The following TENM3 variants were observed in gnomAD, a reference collection of about 807,000 sequenced individuals.
The protein encoded by TENM3 is teneurin transmembrane protein 3, also known as teneurin-3.
In TENM3, 63 loss-of-function variants were observed where a neutral mutation model predicts 255.1. The ratio of observed to expected loss-of-function variants is 0.25; its 90% CI spans 0.20 to 0.30. TENM3 has a LOEUF of 0.30. Among genes scored for constraint, TENM3 ranks in the 10% least tolerant of loss-of-function variants. TENM3 has a pLI of 1.00. For synonymous variants in TENM3, 1,306 were observed against 1,322.3 expected, an observed-to-expected ratio of 0.99 and a Z score of 0.27; for missense variants, 2,929 against 3,461.1, an observed-to-expected ratio of 0.85 and a Z score of 3.86.
At chr4:182,431,309 C>G (rs1326019717) in intron 3 of TENM3, among the ~76,000 whole-genome samples, 1 of 151,864 alleles carries the variant, frequency 6.6e-6, no homozygotes, top group African/African-American at 2.4e-5. Context: ...TCCTGGCCAA[C>G]ATGGTGAAAC....
the TENM3 span, among the ~76,000 whole-genome samples, chr4:182,099,176 C>A: frequency 1.3e-5 from 2 of 151,970 alleles, no homozygotes; most frequent in Non-Finnish European, 1.5e-5. Flanking sequence ...GCTGCCCAGG[C>A]TGGTCTCAAA....
intron 3 of TENM3, among the ~76,000 whole-genome samples, chr4:182,557,957 G>T (rs1214864213): frequency 6.6e-6 from 1 of 152,232 alleles, no homozygotes; most frequent in South Asian, 2.1e-4. Context: ...TTTACTTCCC[G>T]CTTGATCTGA....
the TENM3 span, among the ~76,000 whole-genome samples, chr4:181,500,177 T>C: frequency 1.3e-5 from 2 of 151,956 alleles, no homozygotes; most frequent in Non-Finnish European, 2.9e-5. Context: ...TACAGGCATG[T>C]GTCACCATGC....
At chr4:182,227,617 C>A (rs1175675956) in intron 1 of TENM3, among the ~76,000 whole-genome samples, 3 of 147,434 alleles carry the variant, frequency 2.0e-5, no homozygotes, top group South Asian at 2.2e-4. Flanking sequence ...TAATTTTTTT[C>A]TTCGTGTAGA....
chr4:182,721,821 A>G (rs2152694096), intron 13 of TENM3, among the ~76,000 whole-genome samples: 1 of 152,222 alleles, frequency 6.6e-6, no homozygotes, highest in East Asian at 1.9e-4. Context: ...GCATTTTCCT[A>G]ATTACTAGTT....
At chr4:182,121,408 C>T in the TENM3 span, among the ~76,000 whole-genome samples, 1 of 152,020 alleles carries the variant, frequency 6.6e-6, no homozygotes, top group South Asian at 2.1e-4. Context: ...ATAACATAGG[C>T]AAAATAACGT....
At chr4:182,334,022 A>G (rs571980114) in intron 2 of TENM3, among the ~76,000 whole-genome samples, 14 of 152,280 alleles carry the variant, frequency 9.2e-5, no homozygotes, top group African/African-American at 3.4e-4. Flanking sequence ...ACTTTTTTGG[A>G]CAAGTTACAT....
chr4:182,483,109 A>G (rs1303881769), intron 3 of TENM3, among the ~76,000 whole-genome samples: 1 of 152,208 alleles, frequency 6.6e-6, no homozygotes, highest in East Asian at 1.9e-4. Flanking sequence ...TCAAGCTTTA[A>G]AGCAGAACTC....
chr4:181,552,083 A>G, the TENM3 span, among the ~76,000 whole-genome samples: 3 of 152,014 alleles, frequency 2.0e-5, no homozygotes, highest in African/African-American at 4.8e-5. Flanking sequence ...TTTAAATGTA[A>G]AGAACATTAA....
chr4:181,775,423 A>G, the TENM3 span, among the ~76,000 whole-genome samples: 2 of 152,154 alleles, frequency 1.3e-5, no homozygotes, highest in Non-Finnish European at 2.9e-5. Flanking sequence ...ATATATGCCC[A>G]TTGGAATTCA....
chr4:181,450,296 GA>G, the TENM3 span, among the ~76,000 whole-genome samples: 2 of 152,096 alleles, frequency 1.3e-5, no homozygotes, highest in African/African-American at 4.8e-5. Flanking sequence ...AACGTTTTTG[GA>G]GTAACATCTG....
the TENM3 span, among the ~76,000 whole-genome samples, chr4:182,086,497 G>C: frequency 6.6e-6 from 1 of 152,202 alleles, no homozygotes; most frequent in Non-Finnish European, 1.5e-5. Flanking sequence ...GAAAATGGGA[G>C]AGGAAGCTAC....
At chr4:182,724,348 C>A (rs1759995457) in intron 13 of TENM3, among the ~76,000 whole-genome samples, 1 of 152,196 alleles carries the variant, frequency 6.6e-6, no homozygotes, top group African/African-American at 2.4e-5. Context: ...TACTACATAA[C>A]CTTAGCTGCC....
the TENM3 span, among the ~76,000 whole-genome samples, chr4:181,739,471 T>A: frequency 1.9e-4 from 29 of 152,176 alleles, 2 homozygotes; most frequent in East Asian, 2.5e-3. Flanking sequence ...ATTAAAACTT[T>A]CTTTTTGGTC....
chr4:182,562,061 A>G (rs1053193897), intron 3 of TENM3, among the ~76,000 whole-genome samples: 11 of 152,028 alleles, frequency 7.2e-5, no homozygotes, highest in African/African-American at 1.9e-4. Context: ...AAAAATACCT[A>G]TGTTCTATTG....
In TENM3 at chr4:182,736,817, G is replaced by A. The variant is rs201024340; in HGVS notation, c.2977G>A (p.Glu993Lys). ...PIIPETQVLHEETTIPGTDLK... is the reference protein window; with the variant it reads ...PIIPETQVLHKETTIPGTDLK... Reference sequence around the variant, plus strand: ...CTTTATTCAAACTTAGGTACTCCACGAGGAAACTACAATTCCAGGAACAGA... The same window carrying A: ...CTTTATTCAAACTTAGGTACTCCACAAGGAAACTACAATTCCAGGAACAGA... Residue 993 changes from glutamate to lysine, a missense_variant, in exon 17 of 28, where the codon GAG becomes AAG. Coordinates refer to ENST00000511685, the MANE Select transcript of TENM3 (RefSeq NM_001080477.4). 38 of 1,612,552 alleles carry A rather than the reference G, an allele frequency of 2.4e-5. No individual in the cohort carries two copies. Among genetic ancestry groups the A allele is most frequent in the Non-Finnish European group, 3.0e-5 (35 of 1,179,486 alleles).
the TENM3 span, among the ~76,000 whole-genome samples, chr4:182,128,997 A>G: frequency 6.6e-6 from 1 of 152,228 alleles, no homozygotes; most frequent in Non-Finnish European, 1.5e-5. Context: ...AAAAATTTAA[A>G]GCAGGTCACG....
chr4:181,757,399 C>T, the TENM3 span, among the ~76,000 whole-genome samples: 2 of 152,106 alleles, frequency 1.3e-5, no homozygotes, highest in African/African-American at 4.8e-5. Context: ...TGCATGCTGT[C>T]ATATTTCTCA....
chr4:182,792,643 A>G lies in TENM3; in HGVS notation c.5971A>G (p.Ile1991Val). Residue 1991 changes from isoleucine (I) to valine (V), a missense_variant, in exon 26 of 28, where the codon ATT becomes GTT. By Grantham distance (29) the Ile-to-Val change is conservative. Around this residue, in one of 6 missense-constraint regions of TENM3, gnomAD observed 303 missense variants for 425.2 expected, o/e 0.71. Coordinates refer to ENST00000511685, the MANE Select transcript of TENM3 (RefSeq NM_001080477.4). The surrounding 1 kb of genome is among the most constrained non-coding windows in gnomAD (Gnocchi z 6.3). ...CCAGAGTGATGGTTTTATTTGCACC[A>G]TTAGATACAGGCAAATTGGTCCCCT... ...NLQSDGFICTIRYRQIGPLID... is the reference protein window; with the variant it reads ...NLQSDGFICTVRYRQIGPLID... The G allele has an allele frequency of 1.2e-6, 2 of 1,614,020 alleles. No homozygotes were observed. Among genetic ancestry groups the G allele is most frequent in the Non-Finnish European group, 8.5e-7 (1 of 1,179,906 alleles).
Sources: allele counts gnomAD v4.1 joint callset (sites outside exome capture counted in the v4.1 genomes callset), GRCh38; gene constraint gnomAD v4.1.1; regional missense constraint gnomAD v4.1.1; non-coding constraint Gnocchi (gnomAD v3.1); transcripts MANE v1.5; gene names NCBI Gene and HGNC (gene_info 2026-07-23, HGNC 2026-07-21).